Variants in TBCK observed in about 807,000 individuals in gnomAD.
TBCK encodes TBC domain-containing protein kinase-like protein.
TBCK carries 99 observed loss-of-function variants against 113.4 expected under a neutral mutation model. That is an observed-to-expected ratio of 0.87 (90% CI 0.74 to 1.03). TBCK has a LOEUF of 1.03. Among genes scored for constraint, TBCK ranks in the 50% least tolerant of loss-of-function variants. The pLI is 0.00. For synonymous variants in TBCK, 369 were observed against 370.8 expected, an observed-to-expected ratio of 1.00 and a Z score of 0.05; for missense variants, 1,045 against 1,061.3, an observed-to-expected ratio of 0.98 and a Z score of 0.21.
intron 22 of TBCK, among the ~76,000 whole-genome samples, chr4:106,183,739 T>C (rs375394302): frequency 1.2e-4 from 18 of 152,200 alleles, no homozygotes; most frequent in East Asian, 5.8e-4. Flanking sequence ...CTAAACATTA[T>C]TGGATGTTTT....
intron 23 of TBCK, among the ~76,000 whole-genome samples, chr4:106,123,959 A>T (rs1425849269): frequency 2.0e-5 from 3 of 151,512 alleles, no homozygotes; most frequent in Non-Finnish European, 4.4e-5. Context: ...TTCATGTCCA[A>T]AACACCAAAA....
intron 21 of TBCK, among the ~76,000 whole-genome samples, chr4:106,194,475 G>T (rs892440029): frequency 2.0e-5 from 3 of 151,642 alleles, no homozygotes; most frequent in Non-Finnish European, 4.4e-5. Flanking sequence ...TTTTTCAAAG[G>T]GGGGCAGAGT....
At chr4:106,076,446 C>T (rs1355597369) in intron 25 of TBCK, among the ~76,000 whole-genome samples, 1 of 152,138 alleles carries the variant, frequency 6.6e-6, no homozygotes, top group Non-Finnish European at 1.5e-5. Flanking sequence ...AATTTAACAA[C>T]TTACATCAAA....
intron 20 of TBCK, among the ~76,000 whole-genome samples, chr4:106,209,175 C>T (rs1755851767): frequency 6.6e-6 from 1 of 152,170 alleles, no homozygotes; most frequent in African/African-American, 2.4e-5. Context: ...AACTTTTTTA[C>T]AAGAAGTTAA....
intron 19 of TBCK, among the ~76,000 whole-genome samples, chr4:106,227,754 A>T (rs1297723171): frequency 1.3e-5 from 2 of 152,056 alleles, no homozygotes; most frequent in African/African-American, 2.4e-5. Flanking sequence ...TGGGAGAGTG[A>T]GCAGCTTTGT....
intron 3 of TBCK, among the ~76,000 whole-genome samples, chr4:106,275,159 T>C (rs1387959023): frequency 6.6e-6 from 1 of 152,088 alleles, no homozygotes; most frequent in Non-Finnish European, 1.5e-5. Flanking sequence ...AATTTACATA[T>C]TCATTAAAGA....
chr4:106,171,339 A>G, intron 22 of TBCK, 69 bp from the exon 23 acceptor site: 2 of 1,190,016 alleles, frequency 1.7e-6, no homozygotes, highest in Non-Finnish European at 2.4e-6. Flanking sequence ...AATAAACACC[A>G]TCTCTCCTAA....
intron 24 of TBCK, among the ~76,000 whole-genome samples, chr4:106,101,684 T>G (rs1741572741): frequency 1.3e-5 from 2 of 152,186 alleles, no homozygotes; most frequent in Non-Finnish European, 2.9e-5. Flanking sequence ...GGTAAGAGTT[T>G]TACAAGTAAA....
Position 106,231,741 on chromosome 4 carries a change from A to C in TBCK, c.1678T>G (p.Phe560Val). The C allele has an allele frequency of 6.2e-7, 1 of 1,609,316 alleles. No individual in the cohort carries two copies. The highest frequency in any genetic ancestry group is 8.5e-7 in the Non-Finnish European group (1 of 1,177,644). Residue 560 changes from phenylalanine (F) to valine (V), a missense_variant, in exon 18 of 26, where the codon TTC (phenylalanine) becomes GTC (valine). Physicochemically the swap from Phe to Val is conservative, Grantham distance 50. Transcript: ENST00000394708. ...SLCAPFLYLN[F>V]NNEALAYACM... is the part of the protein sequence containing the mutation. The stretch of plus-strand genomic sequence containing the variant: ...TAAAGAGGCTTACCTTCATTATTGA[A>C]GTTTAGATATAGGAATGGAGCACAA...
chr4:106,250,980 T>G (rs1761364380), intron 6 of TBCK: 1 of 161,498 alleles, frequency 6.2e-6, no homozygotes, highest in Non-Finnish European at 1.4e-5. Flanking sequence ...CTACAGCACC[T>G]GGTATATTTT....
At position 106,233,629 on chromosome 4, in the gene TBCK, C is replaced by T. The variant is rs377591139; in HGVS notation, c.1471G>A (p.Asp491Asn). The change falls in exon 16 of 26, where the codon GAT becomes AAT. Residue 491 changes from aspartate to asparagine, a missense_variant. Transcript: ENST00000394708. ...GVEGAIHAKY[D>N]AIDKDTPIPT... Reference sequence around the variant, plus strand: ...ATTGGAGTGTCTTTATCAATTGCATCGTACTTGGCATGAATAGCTCCCTGC... The same window carrying T: ...ATTGGAGTGTCTTTATCAATTGCATTGTACTTGGCATGAATAGCTCCCTGC... 3.9e-5 allele frequency: 63 copies of T among 1,610,322 alleles called. No homozygotes were observed. Among genetic ancestry groups the T allele is most frequent in the South Asian group, 5.5e-5 (5 of 90,784 alleles).
chr4:106,185,266 G>A (rs1752881562), intron 22 of TBCK, among the ~76,000 whole-genome samples: 1 of 151,842 alleles, frequency 6.6e-6, no homozygotes. Flanking sequence ...TAAATACTCT[G>A]GTATATTATT....
intron 25 of TBCK, among the ~76,000 whole-genome samples, chr4:106,048,805 G>T (rs1734486919): frequency 6.6e-6 from 1 of 152,150 alleles, no homozygotes; most frequent in Admixed American, 6.6e-5. Context: ...GAGCTGGAAA[G>T]AGTTCTGTTA....
chr4:106,189,789 T>C (rs1412308874), intron 22 of TBCK, among the ~76,000 whole-genome samples: 2 of 152,182 alleles, frequency 1.3e-5, no homozygotes, highest in Admixed American at 6.5e-5. Flanking sequence ...ATCTTTAATG[T>C]GGCCTACAAG....
At chr4:106,085,651 A>T (rs11933976) in intron 25 of TBCK, among the ~76,000 whole-genome samples, 6,284 of 152,314 alleles carry the variant, frequency 0.041, 437 homozygotes, top group African/African-American at 0.14. Context: ...CAGAATATAC[A>T]TTCTTCTCAG....
At chr4:106,060,868 T>C (rs1455710211) in intron 25 of TBCK, among the ~76,000 whole-genome samples, 5 of 151,734 alleles carry the variant, frequency 3.3e-5, no homozygotes, top group Non-Finnish European at 7.4e-5. Flanking sequence ...AAGAAGTTGA[T>C]TCCAACCCTC....
chr4:106,161,270 T>C (rs1749760555), intron 23 of TBCK, among the ~76,000 whole-genome samples: 3 of 152,136 alleles, frequency 2.0e-5, no homozygotes. Flanking sequence ...TGCATATATA[T>C]TTAACTTAAA....
chr4:106,161,482 A>T lies in TBCK; in HGVS notation c.2235+9613T>A, dbSNP rs1022192712. Among the ~76,000 whole-genome samples the T allele has an allele frequency of 4.6e-5, 7 of 152,104 alleles. No homozygotes were observed. The South Asian group carries it at 1.4e-3, about 31-fold the overall frequency. On this transcript the variant is annotated intron_variant, in intron 23 of 25. Coordinates refer to ENST00000394708, the MANE Select transcript of TBCK (RefSeq NM_001163435.3). The stretch of plus-strand genomic sequence containing the variant: ...GTTTTATAAATGATTGTGCAGAGAG[A>T]CCAAGGAGTGAGGGTCAGGGCAGAA...
At chr4:106,116,973 T>TCC (rs140517213) in intron 23 of TBCK, among the ~76,000 whole-genome samples, 1 of 150,346 alleles carries the variant, frequency 6.7e-6, no homozygotes, top group African/African-American at 2.4e-5. Flanking sequence ...CCTGAAATCA[T>TCC]CCCCCCCCCA....
Sources: gnomAD v4.1 joint callset for allele counts (sites outside exome capture counted in the v4.1 genomes callset) on GRCh38, gnomAD v4.1.1 for gene constraint, MANE v1.5 for transcripts, NCBI Gene and HGNC (gene_info 2026-07-23, HGNC 2026-07-21) for gene names.